The following LRCH1 variants were observed in gnomAD, a reference collection of about 807,000 sequenced individuals.
The protein encoded by LRCH1 is leucine-rich repeat and calponin homology domain-containing protein 1.
LRCH1 carries 23 observed loss-of-function variants against 94.9 expected under a neutral mutation model. That is an observed-to-expected ratio of 0.24 (90% confidence interval 0.17 to 0.34). The LOEUF (loss-of-function observed/expected upper bound fraction) is 0.34, where lower values mean the gene tolerates loss of function less well. LRCH1 is among the 10% of genes least tolerant of loss of function. The pLI, the probability that LRCH1 is intolerant of heterozygous loss-of-function variation, is 1.00. For missense variants in LRCH1, 790 were observed against 945.9 expected (o/e 0.84, Z 2.16); for synonymous variants, 364 against 354.9 (o/e 1.03, Z -0.29).
intron 1 of LRCH1, among the ~76,000 whole-genome samples, chr13:46,575,173 A>G (rs2050289700): frequency 6.6e-6 from 1 of 152,154 alleles, no homozygotes. Context: ...GACTCTGACC[A>G]CAGGAACAGA....
intron 1 of LRCH1, among the ~76,000 whole-genome samples, chr13:46,616,992 G>A (rs889884120): frequency 3.9e-5 from 6 of 152,164 alleles, no homozygotes; most frequent in East Asian, 1.9e-4. Context: ...GGTGGGGCAG[G>A]AACAAATCAC....
intron 1 of LRCH1, among the ~76,000 whole-genome samples, chr13:46,605,437 AC>A (rs2050676810): frequency 6.6e-6 from 1 of 152,208 alleles, no homozygotes; most frequent in South Asian, 2.1e-4. Context: ...GAGCAGAGGT[AC>A]AAAAAATTCC....
At chr13:46,592,582 T>C (rs1408933846) in intron 1 of LRCH1, among the ~76,000 whole-genome samples, 1 of 152,238 alleles carries the variant, frequency 6.6e-6, no homozygotes, top group African/African-American at 2.4e-5. Context: ...TTGGTCTCAA[T>C]TTCTTATCTG....
At chr13:46,688,017 T>G in intron 6 of LRCH1, 38 bp downstream of exon 6, 1 of 1,586,052 alleles carries the variant, frequency 6.3e-7, no homozygotes, top group Non-Finnish European at 8.6e-7. Context: ...AGTTTAAAAT[T>G]TGCCTAGGCC....
At chr13:46,563,975 A>T (rs1386302235) in intron 1 of LRCH1, among the ~76,000 whole-genome samples, 1 of 152,146 alleles carries the variant, frequency 6.6e-6, no homozygotes. Context: ...CTCAGGTCAA[A>T]CCCACCCAAA....
chr13:46,561,368 G>A (rs2050128410), intron 1 of LRCH1, among the ~76,000 whole-genome samples: 1 of 152,198 alleles, frequency 6.6e-6, no homozygotes, highest in African/African-American at 2.4e-5. Context: ...GGTGTGGGAT[G>A]AAACTGAGCA....
rs530198060 is a variant in LRCH1, at chr13:46,634,949, AC to A, written c.308-15249del. On this transcript the variant is annotated intron_variant, in intron 1 of 19. Coordinates refer to ENST00000389797, the MANE Select transcript of LRCH1 (RefSeq NM_001164211.2). Reference sequence around the variant, plus strand: ...TGCTTACTGGTAGTGACTTCCCTTGACCCTTACCAGTTAGATACATGCTCTG... The same window carrying A: ...TGCTTACTGGTAGTGACTTCCCTTGACCTTACCAGTTAGATACATGCTCTG... Among the ~76,000 whole-genome samples the A allele has an allele frequency of 8.6e-4, 131 of 152,218 alleles. 1 individual carries two copies. Among genetic ancestry groups the A allele is most frequent in the South Asian group, 3.9e-3 (19 of 4,818 alleles).
intron 1 of LRCH1, among the ~76,000 whole-genome samples, chr13:46,583,798 T>TC (rs1323091506): frequency 6.6e-6 from 1 of 151,600 alleles, no homozygotes; most frequent in Non-Finnish European, 1.5e-5. Flanking sequence ...TGTCACTGTG[T>TC]CCCCCAGGCT....
At chr13:46,748,164 T>C (rs1244642605), downstream of LRCH1, among the ~76,000 whole-genome samples, 1 of 152,240 alleles carries the variant, frequency 6.6e-6, no homozygotes, top group Non-Finnish European at 1.5e-5. Flanking sequence ...CTTTGCTCTT[T>C]TCCTTTGTGA....
chr13:46,570,115 A>G (rs1034234907), intron 1 of LRCH1, among the ~76,000 whole-genome samples: 1 of 152,200 alleles, frequency 6.6e-6, no homozygotes, highest in Non-Finnish European at 1.5e-5. Context: ...TCCCTCAGCT[A>G]ACTCCCAGAG....
At chr13:46,698,212 G>A (rs1871292365) in intron 9 of LRCH1, among the ~76,000 whole-genome samples, 2 of 152,218 alleles carry the variant, frequency 1.3e-5, no homozygotes, top group African/African-American at 4.8e-5. Flanking sequence ...GGACTGGCTG[G>A]TCCCCAGTTA....
At position 46,593,835 on chromosome 13, in the gene LRCH1, G is replaced by A. The variant is rs373859429; in HGVS notation, c.307+40132G>A. On this transcript the variant is annotated intron_variant, in intron 1 of 19. Coordinates refer to ENST00000389797, the MANE Select transcript of LRCH1 (RefSeq NM_001164211.2). ...TCTGATCTGATTTCATTATTTGTCT[G>A]TTGTGGTAGCTTTGGTGAAGTTGGA... Among the ~76,000 whole-genome samples the A allele has an allele frequency of 2.6e-5, 4 of 152,282 alleles. No homozygotes were observed. The South Asian group carries it at 8.3e-4, about 32-fold the overall frequency.
chr13:46,689,445 C>T (rs1870786107), intron 7 of LRCH1, among the ~76,000 whole-genome samples: 1 of 152,072 alleles, frequency 6.6e-6, no homozygotes, highest in Non-Finnish European at 1.5e-5. Context: ...TCTGTATCTT[C>T]TCCTCTCCTA....
chr13:46,654,650 G>GT (rs1362109936), intron 2 of LRCH1, among the ~76,000 whole-genome samples: 2 of 152,200 alleles, frequency 1.3e-5, no homozygotes, highest in African/African-American at 4.8e-5. Context: ...GTATGGGGAA[G>GT]TCGGTGTGAA....
downstream of LRCH1, among the ~76,000 whole-genome samples, chr13:46,747,432 G>T (rs1873953868): frequency 6.6e-6 from 1 of 152,168 alleles, no homozygotes; most frequent in Non-Finnish European, 1.5e-5. Flanking sequence ...AGGCCCTGGG[G>T]TCAGTCCTTC....
chr13:46,658,124 C>G (rs998733078), intron 2 of LRCH1, among the ~76,000 whole-genome samples: 1 of 152,102 alleles, frequency 6.6e-6, no homozygotes, highest in Non-Finnish European at 1.5e-5. Flanking sequence ...GGAACAACAT[C>G]AGTATTTACA....
At chr13:46,600,953 G>A (rs537716937) in intron 1 of LRCH1, among the ~76,000 whole-genome samples, 1 of 152,332 alleles carries the variant, frequency 6.6e-6, no homozygotes, top group South Asian at 2.1e-4. Flanking sequence ...CAGTTACTCA[G>A]TTTCACCTTT....
chr13:46,680,757 G>A (rs1017250434), intron 3 of LRCH1, among the ~76,000 whole-genome samples: 4 of 152,196 alleles, frequency 2.6e-5, no homozygotes, highest in Non-Finnish European at 5.9e-5. Context: ...TGCCCAGTTT[G>A]GACTTTATAG....
chr13:46,651,849 G>A (rs1425020672), intron 2 of LRCH1, among the ~76,000 whole-genome samples: 2 of 143,104 alleles, frequency 1.4e-5, no homozygotes, highest in African/African-American at 2.6e-5. Context: ...TACAGGCGCC[G>A]GCCACCAGGC....
Sources: gnomAD v4.1 joint callset for allele counts (sites outside exome capture counted in the v4.1 genomes callset) on GRCh38, gnomAD v4.1.1 for gene constraint, MANE v1.5 for transcripts, NCBI Gene and HGNC (gene_info 2026-07-23, HGNC 2026-07-21) for gene names.